Variants in LHFPL3 observed in about 807,000 individuals in gnomAD.
LHFPL3 encodes LHFPL tetraspan subfamily member 3 protein.
A neutral mutation model predicts 19.3 loss-of-function variants in LHFPL3; 5 were observed. The observed-to-expected ratio is 0.26, with a 90% CI of 0.14 to 0.54. The LOEUF is 0.54. LHFPL3 is among the 20% of genes least tolerant of loss of function. The pLI is 0.94. For synonymous variants in LHFPL3, 133 were observed against 126.2 expected, an observed-to-expected ratio of 1.05 and a Z score of -0.36; for missense variants, 249 against 307.4, an observed-to-expected ratio of 0.81 and a Z score of 1.42.
At chr7:104,756,382 A>G (rs1198999778) in intron 2 of LHFPL3, among the ~76,000 whole-genome samples, 1 of 152,228 alleles carries the variant, frequency 6.6e-6, no homozygotes, top group Non-Finnish European at 1.5e-5. Context: ...GTTACAATGA[A>G]ATGAAATTAA....
At chr7:104,383,150 G>C (rs750021175) in intron 1 of LHFPL3, among the ~76,000 whole-genome samples, 1 of 152,198 alleles carries the variant, frequency 6.6e-6, no homozygotes, top group Non-Finnish European at 1.5e-5. Context: ...TGTCAGAATC[G>C]TTAGTCATTT....
intron 1 of LHFPL3, among the ~76,000 whole-genome samples, chr7:104,620,162 A>G (rs997961808): frequency 3.9e-5 from 6 of 152,184 alleles, no homozygotes; most frequent in Admixed American, 3.9e-4. Flanking sequence ...GGGTAAGAAC[A>G]CAGCACTCAA....
intron 1 of LHFPL3, among the ~76,000 whole-genome samples, chr7:104,661,820 C>A (rs1274401039): frequency 6.6e-6 from 1 of 152,142 alleles, no homozygotes; most frequent in African/African-American, 2.4e-5. Flanking sequence ...GAACTTTCAC[C>A]TTTTCACTTA....
intron 1 of LHFPL3, among the ~76,000 whole-genome samples, chr7:104,447,660 G>A (rs1332099621): frequency 6.6e-6 from 1 of 152,042 alleles, no homozygotes; most frequent in East Asian, 1.9e-4. Context: ...GGGAACCCTA[G>A]GCTAGGGTTC....
At chr7:104,733,087 G>C (rs1349532782) in intron 1 of LHFPL3, among the ~76,000 whole-genome samples, 1 of 152,212 alleles carries the variant, frequency 6.6e-6, no homozygotes, top group Non-Finnish European at 1.5e-5. Context: ...TGTTCTAAGA[G>C]ACAGTTTGTT....
intron 1 of LHFPL3, among the ~76,000 whole-genome samples, chr7:104,390,722 C>T (rs190184068): frequency 0.066 from 10,071 of 152,154 alleles, 361 homozygotes; most frequent in Middle Eastern, 0.099. Flanking sequence ...CTGGGTCAAA[C>T]GGTATTTCTA....
intron 1 of LHFPL3, among the ~76,000 whole-genome samples, chr7:104,513,696 C>T (rs1793865696): frequency 6.6e-6 from 1 of 152,200 alleles, no homozygotes; most frequent in Admixed American, 6.6e-5. Context: ...CCCAGAACAG[C>T]AGTTCTCCAT....
At chr7:104,397,184 A>G (rs1791207369) in intron 1 of LHFPL3, among the ~76,000 whole-genome samples, 2 of 152,170 alleles carry the variant, frequency 1.3e-5, no homozygotes, top group African/African-American at 4.8e-5. Flanking sequence ...AATAATTAGT[A>G]GCAAGTGAAT....
intron 1 of LHFPL3, among the ~76,000 whole-genome samples, chr7:104,337,720 G>A (rs972436592): frequency 3.3e-5 from 5 of 152,046 alleles, no homozygotes; most frequent in African/African-American, 9.7e-5. Flanking sequence ...GTGAACATTT[G>A]GGTAAATACA....
intron 1 of LHFPL3, among the ~76,000 whole-genome samples, chr7:104,571,774 C>G (rs1230104293): frequency 6.6e-6 from 1 of 152,142 alleles, no homozygotes; most frequent in Non-Finnish European, 1.5e-5. Context: ...CTTCACAGGG[C>G]TAAACCTTCT....
intron 1 of LHFPL3, among the ~76,000 whole-genome samples, chr7:104,600,914 T>A (rs1256816314): frequency 1.3e-5 from 2 of 152,204 alleles, no homozygotes; most frequent in African/African-American, 2.4e-5. Flanking sequence ...GCTGAGTGTG[T>A]TCATATGTAA....
At chr7:104,454,757 T>C (rs1439837435) in intron 1 of LHFPL3, among the ~76,000 whole-genome samples, 1 of 152,126 alleles carries the variant, frequency 6.6e-6, no homozygotes, top group Non-Finnish European at 1.5e-5. Context: ...CCATCTTTCC[T>C]CCCCAACCCA....
chr7:104,506,737 A>C (rs544963291), intron 1 of LHFPL3, among the ~76,000 whole-genome samples: 21 of 152,332 alleles, frequency 1.4e-4, no homozygotes, highest in African/African-American at 4.3e-4. Flanking sequence ...TGGTCATGGA[A>C]CGCAAGGAAG....
chr7:104,390,422 G>A (rs1791042190), intron 1 of LHFPL3, among the ~76,000 whole-genome samples: 1 of 151,812 alleles, frequency 6.6e-6, no homozygotes, highest in South Asian at 2.1e-4. Flanking sequence ...CCACCTGTGA[G>A]TGAGAACATG....
chr7:104,655,537 G>T (rs1792106427), intron 1 of LHFPL3, among the ~76,000 whole-genome samples: 1 of 152,040 alleles, frequency 6.6e-6, no homozygotes, highest in Non-Finnish European at 1.5e-5. Context: ...AAATCTAATT[G>T]GTTTTATTAT....
At chr7:104,878,592 A>G (rs749453016) in intron 2 of LHFPL3, among the ~76,000 whole-genome samples, 11 of 152,152 alleles carry the variant, frequency 7.2e-5, no homozygotes, top group Admixed American at 6.5e-4. Context: ...ATTCCATGAG[A>G]TACAACAATT....
intron 1 of LHFPL3, among the ~76,000 whole-genome samples, chr7:104,716,711 G>A (rs1461968354): frequency 1.3e-5 from 2 of 152,144 alleles, no homozygotes; most frequent in African/African-American, 4.8e-5. Flanking sequence ...CATGTTTATG[G>A]ATTGGAAGAT....
At chr7:104,870,700 A>C (rs1411509690) in intron 2 of LHFPL3, among the ~76,000 whole-genome samples, 1 of 152,160 alleles carries the variant, frequency 6.6e-6, no homozygotes, top group African/African-American at 2.4e-5. Context: ...GAGAAGAAAG[A>C]AGCCCTGGGA....
chr7:104,501,255 C>T (rs1027817872), intron 1 of LHFPL3, among the ~76,000 whole-genome samples: 6 of 152,000 alleles, frequency 3.9e-5, no homozygotes, highest in Admixed American at 3.9e-4. Context: ...TGTAATAAAC[C>T]AATATCATAT....
Sources: allele counts gnomAD v4.1 joint callset (sites outside exome capture counted in the v4.1 genomes callset), GRCh38; gene constraint gnomAD v4.1.1; transcripts MANE v1.5; gene names NCBI Gene and HGNC (gene_info 2026-07-23, HGNC 2026-07-21).